The following TP53BP2 variants were observed in gnomAD, a reference collection of about 807,000 sequenced individuals.
TP53BP2 encodes the protein apoptosis-stimulating of p53 protein 2.
Under a neutral mutation model 126.2 loss-of-function variants are expected in TP53BP2, and 62 were observed. The observed-to-expected ratio is 0.49, with a 90% CI of 0.40 to 0.61. TP53BP2 has a LOEUF of 0.61. Among genes scored for constraint, TP53BP2 ranks in the 20% least tolerant of loss-of-function variants. TP53BP2 has a pLI of 0.00. For synonymous variants in TP53BP2, 485 were observed against 502.9 expected (o/e 0.96, Z 0.48); for missense variants, 1,215 against 1,402.8 (o/e 0.87, Z 2.14).
chr1:223,824,047 A>G (rs1430645125), intron 1 of TP53BP2, among the ~76,000 whole-genome samples: 2 of 152,228 alleles, frequency 1.3e-5, no homozygotes, highest in Non-Finnish European at 2.9e-5. Context: ...GATAAACAGC[A>G]GGTGTTATTT....
At chr1:223,837,023 T>C (rs1048166201) in intron 1 of TP53BP2, among the ~76,000 whole-genome samples, 4 of 151,994 alleles carry the variant, frequency 2.6e-5, no homozygotes, top group Non-Finnish European at 5.9e-5. Context: ...CTAGATTTTG[T>C]TGTGATGCAG....
At chr1:223,786,420 G>GT (rs1558087229) in intron 16 of TP53BP2, among the ~76,000 whole-genome samples, 2 of 151,882 alleles carry the variant, frequency 1.3e-5, no homozygotes, top group Non-Finnish European at 2.9e-5. Context: ...GCACATCCTG[G>GT]TATCTATGAT....
At chr1:223,815,841 G>A (rs967289935) in intron 2 of TP53BP2, among the ~76,000 whole-genome samples, 2 of 152,178 alleles carry the variant, frequency 1.3e-5, no homozygotes, top group African/African-American at 4.8e-5. Context: ...ACTGCCTACA[G>A]TATTCAATAC....
At position 223,792,450 on chromosome 1, in the gene TP53BP2, C is replaced by G; in HGVS notation, c.2935G>C (p.Glu979Gln). 6.2e-7 allele frequency: 1 copy of G among 1,613,928 alleles called. No homozygotes were observed. Among genetic ancestry groups the G allele is most frequent in the African/African-American group, 1.3e-5 (1 of 75,058 alleles). The stretch of plus-strand genomic sequence containing the variant: ...AACTGTACCAGGAACTTAACGATTT[C>G]TGTGTGGCCTGCACACACAGCATTG... ...LHNAVCAGHT[E>Q]IVKFLVQFGV... The change falls in exon 15 of 18, where the codon GAA becomes CAA. Residue 979 changes from glutamate to glutamine, a missense_variant. Transcript: ENST00000343537.
chr1:223,825,170 T>C (rs1203162965), intron 1 of TP53BP2, among the ~76,000 whole-genome samples: 1 of 152,186 alleles, frequency 6.6e-6, no homozygotes, highest in African/African-American at 2.4e-5. Context: ...GTAAGCTCCA[T>C]ACAGTCAAAG....
chr1:223,790,042 C>G (rs896027738), intron 15 of TP53BP2, among the ~76,000 whole-genome samples: 2 of 150,924 alleles, frequency 1.3e-5, no homozygotes, highest in Non-Finnish European at 3.0e-5. Flanking sequence ...GAGGCCGAGG[C>G]GGGCAGATCA....
intron 1 of TP53BP2, among the ~76,000 whole-genome samples, chr1:223,827,956 T>C (rs1329253213): frequency 6.6e-6 from 1 of 152,186 alleles, no homozygotes; most frequent in Non-Finnish European, 1.5e-5. Flanking sequence ...ATTCAAAAAG[T>C]AATTGAATTT....
chr1:223,836,838 A>G (rs969813887), intron 1 of TP53BP2, among the ~76,000 whole-genome samples: 1 of 152,178 alleles, frequency 6.6e-6, no homozygotes, highest in African/African-American at 2.4e-5. Flanking sequence ...GAAAAGCAGC[A>G]GGATGAAAGC....
rs959385660 is a variant in TP53BP2, at chr1:223,845,558, G to C, written c.27+96C>G. On this transcript the variant is annotated intron_variant, in intron 1 of 17. Coordinates refer to ENST00000343537, the MANE Select transcript of TP53BP2 (RefSeq NM_001031685.3). Reference sequence around the variant, plus strand: ...CCCTCCGCGCGGGCTGCGGCCCCCAGGCTCCTTCCCCGACGCGCCCGAGGG... The same window carrying C: ...CCCTCCGCGCGGGCTGCGGCCCCCACGCTCCTTCCCCGACGCGCCCGAGGG... 6 of 1,293,750 alleles carry C rather than the reference G, an allele frequency of 4.6e-6. No individual in the cohort carries two copies. The African/African-American group carries it at 8.2e-5, about 18-fold the overall frequency. The allele number at this position is 1,293,750 out of a possible 1,614,324, so 80.1% of individuals were successfully genotyped here. A position where few individuals can be genotyped will look rare whatever the true frequency, so the allele number is the denominator to read the frequency against.
chr1:223,794,264 A>G (rs1662243380), intron 13 of TP53BP2, among the ~76,000 whole-genome samples: 1 of 152,198 alleles, frequency 6.6e-6, no homozygotes, highest in Non-Finnish European at 1.5e-5. Flanking sequence ...GGTGTGATAT[A>G]TGTACTCCAC....
chr1:223,795,583 T>C (rs1179488459), intron 13 of TP53BP2, among the ~76,000 whole-genome samples: 3 of 152,042 alleles, frequency 2.0e-5, no homozygotes, highest in Non-Finnish European at 4.4e-5. Flanking sequence ...GCAGTGTTTA[T>C]AGGGATAAGA....
In TP53BP2 at chr1:223,814,693, T is replaced by C. The variant is rs545043061; in HGVS notation, c.176-340A>G. 2.1e-4 allele frequency among the ~76,000 whole-genome samples: 32 copies of C among 152,328 alleles called. No individual in the cohort carries two copies. The South Asian group carries it at 5.8e-3, about 28-fold the overall frequency. Reference sequence around the variant, plus strand: ...TCTGTAAAATCTATATTAGATCACATAGTCCCTTCTAACACTAATATTCAT... The same window carrying C: ...TCTGTAAAATCTATATTAGATCACACAGTCCCTTCTAACACTAATATTCAT... On this transcript the variant is annotated intron_variant, in intron 2 of 17. Coordinates refer to ENST00000343537, the MANE Select transcript of TP53BP2 (RefSeq NM_001031685.3).
In TP53BP2 at chr1:223,802,723, C is replaced by T; in HGVS notation, c.996+8G>A. The T allele has an allele frequency of 6.2e-7, 1 of 1,613,874 alleles. No individual in the cohort carries two copies. The highest frequency in any genetic ancestry group is 8.5e-7 in the Non-Finnish European group (1 of 1,179,894). ...CTCCCCAAAACCATTACAAAACGGC[C>T]CACTTACTGGTAGATTTTCTTTTTG... On this transcript the variant is annotated splice_region_variant and intron_variant, in intron 8 of 17. Transcript: ENST00000343537.
At chr1:223,821,128 A>C in intron 2 of TP53BP2, 92 bp downstream of exon 2, 1 of 1,518,000 alleles carries the variant, frequency 6.6e-7, no homozygotes, top group South Asian at 1.2e-5. Context: ...TTCTCCCCGG[A>C]GAAACATGAG....
chr1:223,800,737 A>G lies in TP53BP2; in HGVS notation c.1299T>C (p.Ala433=), dbSNP rs1662501930. The G allele has an allele frequency of 1.2e-6, 2 of 1,610,248 alleles. No homozygotes were observed. The highest frequency in any genetic ancestry group is 1.3e-5 in the African/African-American group (1 of 74,588). The change falls in exon 10 of 18, where the codon GCT becomes GCC. Residue 433 remains alanine (A), a synonymous_variant. Transcript: ENST00000343537. ...NADLFPSQGS[A]SVPQSTGNAL... ...CATTCCCAGTGCTTTGAGGTACAGA[A>G]GCAGAGCCTTGGCTTGGGAAAAGAT...
At position 223,821,175 on chromosome 1, in the gene TP53BP2, T is replaced by C. The variant is rs751485266; in HGVS notation, c.175+45A>G. On this transcript the variant is annotated intron_variant, in intron 2 of 17. Coordinates refer to ENST00000343537, the MANE Select transcript of TP53BP2 (RefSeq NM_001031685.3). ...TGCCACGTCTACAAACCAACATTAA[T>C]AGAAGACAGAAGAACTAAAGCACGA... 3.7e-6 allele frequency: 6 copies of C among 1,612,904 alleles called. No individual in the cohort carries two copies. The South Asian group carries it at 5.5e-5, about 15-fold the overall frequency.
intron 13 of TP53BP2, among the ~76,000 whole-genome samples, chr1:223,795,358 G>T (rs1662280322): frequency 6.6e-6 from 1 of 152,066 alleles, no homozygotes; most frequent in East Asian, 1.9e-4. Flanking sequence ...TACCACTGTT[G>T]TAAGTTTGAG....
chr1:223,793,972 T>C (rs1662232528), intron 13 of TP53BP2, among the ~76,000 whole-genome samples: 1 of 152,132 alleles, frequency 6.6e-6, no homozygotes, highest in Non-Finnish European at 1.5e-5. Context: ...AGCCGGCAAA[T>C]GGCAGAGCTG....
chr1:223,844,151 G>T (rs948184518), intron 1 of TP53BP2, among the ~76,000 whole-genome samples: 2 of 152,172 alleles, frequency 1.3e-5, no homozygotes, highest in African/African-American at 2.4e-5. Flanking sequence ...CAAAGCTGGT[G>T]TAAGTGCCAT....
Sources: gnomAD v4.1 joint callset for allele counts (sites outside exome capture counted in the v4.1 genomes callset) on GRCh38, gnomAD v4.1.1 for gene constraint, MANE v1.5 for transcripts, NCBI Gene and HGNC (gene_info 2026-07-23, HGNC 2026-07-21) for gene names.